The following SYTL3 variants were observed in gnomAD, a reference collection of about 807,000 sequenced individuals.
The protein encoded by SYTL3 is synaptotagmin like 3, also known as synaptotagmin-like protein 3.
Under a neutral mutation model 82.1 loss-of-function variants are expected in SYTL3, and 88 were observed. That is an observed-to-expected ratio of 1.07 (90% CI 0.90 to 1.28). The LOEUF is 1.28. SYTL3 is among the 50% of genes most tolerant of loss of function. SYTL3 has a pLI of 0.00. For synonymous variants in SYTL3, 311 were observed against 289.4 expected (o/e 1.07, Z -0.76); for missense variants, 831 against 757.6 (o/e 1.10, Z -1.14).
At chr6:158,697,501 T>C (rs1273022213) in intron 6 of SYTL3, among the ~76,000 whole-genome samples, 1 of 151,936 alleles carries the variant, frequency 6.6e-6, no homozygotes, top group Non-Finnish European at 1.5e-5. Flanking sequence ...TTCTTAGCTA[T>C]GACAGCAAAG....
Position 158,713,850 on chromosome 6 carries a change from G to A in SYTL3, c.567G>A (p.Leu189=). The change falls in exon 9 of 18, where the codon TTG becomes TTA. Residue 189 remains leucine, a synonymous_variant. Transcript: ENST00000611299. The part of the protein sequence containing the change: ...FRGFNKSVEN[L]FLSLATHVKK... ...GATTTAATAAGTCCGTGGAAAATTT[G>A]TTTCTGTCTCTTGCTACCCACGTGA... 1 of 1,550,920 alleles carries A rather than the reference G, an allele frequency of 6.4e-7. No homozygotes were observed. Among genetic ancestry groups the A allele is most frequent in the South Asian group, 1.2e-5 (1 of 84,058 alleles).
intron 11 of SYTL3, among the ~76,000 whole-genome samples, chr6:158,732,130 G>A (rs1324070023): frequency 1.3e-5 from 2 of 152,114 alleles, no homozygotes; most frequent in East Asian, 3.9e-4. Context: ...AAATCTCTAT[G>A]TTCTGCTTAG....
At chr6:158,723,228 A>G (rs1209287989) in intron 10 of SYTL3, among the ~76,000 whole-genome samples, 1 of 149,682 alleles carries the variant, frequency 6.7e-6, no homozygotes, top group Non-Finnish European at 1.5e-5. Context: ...CTGTGTAGCT[A>G]GGACTACAGG....
In SYTL3 at chr6:158,740,764, G is replaced by C. The variant is rs141852755; in HGVS notation, c.856-4716G>C. 3.6e-3 allele frequency among the ~76,000 whole-genome samples: 550 copies of C among 152,328 alleles called. 7 individuals carry two copies. Among genetic ancestry groups the C allele is most frequent in the African/African-American group, 0.013 (535 of 41,568 alleles). ...ATATTAGGTTGCTAGAAAAGTCCTTGTGGTTGGACCGTGAATTTTATATAA... is the reference window on the plus strand; with the variant it reads ...ATATTAGGTTGCTAGAAAAGTCCTTCTGGTTGGACCGTGAATTTTATATAA... On this transcript the variant is annotated intron_variant, in intron 11 of 17. Transcript: ENST00000611299.
intron 11 of SYTL3, among the ~76,000 whole-genome samples, chr6:158,734,114 A>G (rs1785818484): frequency 6.6e-6 from 1 of 150,886 alleles, no homozygotes; most frequent in Admixed American, 6.6e-5. Flanking sequence ...AAAAAAAAAA[A>G]AAGAAGCACC....
At chr6:158,718,959 C>T (rs920394282) in intron 10 of SYTL3, among the ~76,000 whole-genome samples, 3 of 152,104 alleles carry the variant, frequency 2.0e-5, no homozygotes, top group Non-Finnish European at 2.9e-5. Context: ...GTCCTTTAGG[C>T]GAGGGTGTGA....
At position 158,744,546 on chromosome 6, in the gene SYTL3, C is replaced by T. The variant is rs374995542; in HGVS notation, c.856-934C>T. ...TTGTTAGCCAGGATGGTCTCGATCTCCTGACCTTGTGATCTGCCTGCCTCG... is the reference window on the plus strand; with the variant it reads ...TTGTTAGCCAGGATGGTCTCGATCTTCTGACCTTGTGATCTGCCTGCCTCG... On this transcript the variant is annotated intron_variant, in intron 11 of 17. Coordinates refer to ENST00000611299, the MANE Select transcript of SYTL3 (RefSeq NM_001242394.2). Among the ~76,000 whole-genome samples the T allele has an allele frequency of 3.3e-5, 5 of 151,880 alleles. No homozygotes were observed. The South Asian group carries it at 1.0e-3, about 32-fold the overall frequency.
chr6:158,738,614 T>A (rs1374364865), intron 11 of SYTL3, among the ~76,000 whole-genome samples: 1 of 152,102 alleles, frequency 6.6e-6, no homozygotes, highest in Non-Finnish European at 1.5e-5. Flanking sequence ...AACCTTCCAT[T>A]CCCCTCCAGC....
At chr6:158,745,345 C>A in intron 11 of SYTL3, 135 bp from the exon 12 acceptor site, 1 of 764,598 alleles carries the variant, frequency 1.3e-6, no homozygotes, top group Non-Finnish European at 2.1e-6. Context: ...AAAGTACAAG[C>A]TGGTGCATTA....
intron 5 of SYTL3, among the ~76,000 whole-genome samples, chr6:158,682,517 G>A (rs1337307193): frequency 6.6e-6 from 1 of 151,886 alleles, no homozygotes; most frequent in Non-Finnish European, 1.5e-5. Flanking sequence ...CCGCCACCAT[G>A]CCTGGCTAAT....
intron 14 of SYTL3, among the ~76,000 whole-genome samples, chr6:158,758,382 G>A (rs528224526): frequency 6.6e-6 from 1 of 150,734 alleles, no homozygotes; most frequent in East Asian, 2.0e-4. Context: ...AGGTTGCAAT[G>A]AGTCGAGATT....
At chr6:158,724,080 G>T (rs1459418340) in intron 10 of SYTL3, among the ~76,000 whole-genome samples, 4 of 152,198 alleles carry the variant, frequency 2.6e-5, no homozygotes, top group Admixed American at 2.6e-4. Context: ...GCGTGCTGGA[G>T]AAACTGTCCC....
intron 5 of SYTL3, 115 bp downstream of exon 5, chr6:158,665,728 A>G (rs748527017): frequency 2.8e-6 from 2 of 716,650 alleles, no homozygotes; most frequent in Non-Finnish European, 4.5e-6. Flanking sequence ...GTAAATGTGT[A>G]CCGAGTGCCT....
rs61056732 is a variant in SYTL3 at position 158,763,027 on chromosome 6, G to A, written c.1518-277G>A. Among the ~76,000 whole-genome samples the A allele has an allele frequency of 2.3e-3, 345 of 152,324 alleles. 2 individuals carry two copies. Among genetic ancestry groups the A allele is most frequent in the African/African-American group, 7.6e-3 (315 of 41,576 alleles). ...GAACAGGGTTAAAAGGAGATAACGT[G>A]TATCTGCAGTCATGGTGGGAGGCAC... On this transcript the variant is annotated intron_variant, in intron 16 of 17. Coordinates refer to ENST00000611299, the MANE Select transcript of SYTL3 (RefSeq NM_001242394.2).
At chr6:158,706,152 C>T (rs748413438) in intron 6 of SYTL3, among the ~76,000 whole-genome samples, 13 of 152,050 alleles carry the variant, frequency 8.5e-5, no homozygotes, top group Non-Finnish European at 1.5e-4. Context: ...TTATAGAATC[C>T]TGTGAAAGCC....
In SYTL3 at chr6:158,701,260, TGGG is replaced by T. The variant is rs1583288296; in HGVS notation, c.395-5968_395-5966del. Among the ~76,000 whole-genome samples the T allele has an allele frequency of 1.9e-3, 10 of 5,282 alleles. 1 individual carries two copies. Among genetic ancestry groups the T allele is most frequent in the African/African-American group, 4.2e-3 (3 of 720 alleles). The allele number at this position is 5,282 out of a possible 152,430, so 3.5% of individuals were successfully genotyped here. On this transcript the variant is annotated intron_variant, in intron 6 of 17. Transcript: ENST00000611299. Reference sequence around the variant, plus strand: ...GGGGTGTAGATGAAGGAGTGTGAGCTGGGGTGTAGATGAAGGAGTGTGAGCTGG... The same window carrying T: ...GGGGTGTAGATGAAGGAGTGTGAGCTGTGTAGATGAAGGAGTGTGAGCTGG...
At chr6:158,738,839 G>A (rs771109852) in intron 11 of SYTL3, among the ~76,000 whole-genome samples, 1 of 152,160 alleles carries the variant, frequency 6.6e-6, no homozygotes, top group East Asian at 1.9e-4. Flanking sequence ...TGTATTTTTA[G>A]TGGAGACAGG....
At chr6:158,732,031 G>A (rs1298087866) in intron 11 of SYTL3, among the ~76,000 whole-genome samples, 2 of 152,138 alleles carry the variant, frequency 1.3e-5, no homozygotes, top group African/African-American at 4.8e-5. Flanking sequence ...CTCAAATTAG[G>A]AAGACATAGT....
At chr6:158,702,028 A>G (rs1046855447) in intron 6 of SYTL3, among the ~76,000 whole-genome samples, 8 of 151,952 alleles carry the variant, frequency 5.3e-5, no homozygotes, top group Non-Finnish European at 1.0e-4. Flanking sequence ...GCTGGAGTGC[A>G]GTGCTGCGAT....
Sources: gnomAD v4.1 joint callset for allele counts (sites outside exome capture counted in the v4.1 genomes callset) on GRCh38, gnomAD v4.1.1 for gene constraint, MANE v1.5 for transcripts, NCBI Gene and HGNC (gene_info 2026-07-23, HGNC 2026-07-21) for gene names.